The following RREB1 variants were observed in gnomAD, a reference collection of about 807,000 sequenced individuals.
RREB1 encodes ras responsive element binding protein 1.
Under a neutral mutation model 117.8 loss-of-function variants are expected in RREB1, and 27 were observed. That is an observed-to-expected ratio of 0.23 (90% CI 0.17 to 0.32). RREB1 has a LOEUF of 0.32. RREB1 is among the 10% of genes least tolerant of loss of function. RREB1 has a pLI of 1.00. For synonymous variants in RREB1, 1,298 were observed against 1,026.7 expected (o/e 1.26, Z -5.05); for missense variants, 2,577 against 2,378.2 (o/e 1.08, Z -1.74).
At chr6:7,151,279 A>T (rs1763111235) in intron 1 of RREB1, among the ~76,000 whole-genome samples, 3 of 152,196 alleles carry the variant, frequency 2.0e-5, no homozygotes, top group African/African-American at 7.2e-5. Flanking sequence ...AGGCCCAAAG[A>T]GAAGAATTTG....
In RREB1 at chr6:7,168,255, A is replaced by AG. The variant is rs1554120039; in HGVS notation, c.-284-8400_-284-8399insG. Reference sequence around the variant, plus strand: ...GGGTGACAGAGTGAGACTCCGTCTGAAAAAAAAAAAAAAAAAAAAAAGATT... The same window carrying AG: ...GGGTGACAGAGTGAGACTCCGTCTGAGAAAAAAAAAAAAAAAAAAAAAGATT... On this transcript the variant is annotated intron_variant, in intron 1 of 12. Coordinates refer to ENST00000379938, the MANE Select transcript of RREB1 (RefSeq NM_001003699.4). Among the ~76,000 whole-genome samples, 11 of 83,830 alleles carry AG rather than the reference A, an allele frequency of 1.3e-4. No homozygotes were observed. The South Asian group carries it at 2.7e-3, about 20-fold the overall frequency. The allele number at this position is 83,830 out of a possible 152,430, so 55.0% of individuals were successfully genotyped here.
At chr6:7,125,827 C>T (rs1352137309) in intron 1 of RREB1, among the ~76,000 whole-genome samples, 2 of 152,020 alleles carry the variant, frequency 1.3e-5, no homozygotes, top group African/African-American at 2.4e-5. Flanking sequence ...TGAGAGGAGG[C>T]TGTCCTGTCT....
At chr6:7,158,836 G>A (rs913224768) in intron 1 of RREB1, among the ~76,000 whole-genome samples, 3 of 151,834 alleles carry the variant, frequency 2.0e-5, no homozygotes, top group Non-Finnish European at 4.4e-5. Context: ...GGTAGATTGT[G>A]GGTCCCATTT....
At chr6:7,120,222 G>C (rs955290648) in intron 1 of RREB1, among the ~76,000 whole-genome samples, 1 of 152,072 alleles carries the variant, frequency 6.6e-6, no homozygotes, top group African/African-American at 2.4e-5. Context: ...AGGCCGAGCC[G>C]TGCAGATCCC....
intron 9 of RREB1, among the ~76,000 whole-genome samples, chr6:7,228,043 A>G (rs1767688258): frequency 6.6e-6 from 1 of 152,258 alleles, no homozygotes; most frequent in Non-Finnish European, 1.5e-5. Flanking sequence ...ACAGAGCGAG[A>G]CTCAGTCTCA....
intron 1 of RREB1, among the ~76,000 whole-genome samples, chr6:7,175,102 A>G (rs1764436219): frequency 6.6e-6 from 1 of 152,182 alleles, no homozygotes; most frequent in Non-Finnish European, 1.5e-5. Flanking sequence ...ATATGAAAAA[A>G]GAATAACTGC....
At chr6:7,200,930 A>T (rs1018132121) in intron 6 of RREB1, among the ~76,000 whole-genome samples, 1 of 152,258 alleles carries the variant, frequency 6.6e-6, no homozygotes, top group Non-Finnish European at 1.5e-5. Context: ...TAATGCAAGC[A>T]GTACAGTATT....
At chr6:7,175,880 TCTCTC>T (rs1218949818) in intron 1 of RREB1, among the ~76,000 whole-genome samples, 1 of 152,236 alleles carries the variant, frequency 6.6e-6, no homozygotes, top group Non-Finnish European at 1.5e-5. Context: ...GATGTAATCA[TCTCTC>T]CTCTACTTTA....
chr6:7,139,792 CTT>C (rs1391748302), intron 1 of RREB1, among the ~76,000 whole-genome samples: 1 of 152,170 alleles, frequency 6.6e-6, no homozygotes, highest in Non-Finnish European at 1.5e-5. Context: ...CTCCATTAGA[CTT>C]TGGAAATTTA....
rs948092511 is a variant in RREB1 at position 7,229,897 on chromosome 6, A to G, written c.1798A>G (p.Ser600Gly). The change falls in exon 10 of 13, where the codon AGC (serine) becomes GGC (glycine). Residue 600 changes from serine to glycine, a missense_variant. Coordinates refer to ENST00000379938, the MANE Select transcript of RREB1 (RefSeq NM_001003699.4). This position sits in a 1 kb window ranked among gnomAD's most constrained non-coding sequence, Gnocchi z 4.5. ...GATGAAGACGCAGCTGGAGCAGGAC[A>G]GCATCATCGAGGCCCTGCTGCCGCT... ...PEMKTQLEQD[S>G]IIEALLPLSM... The G allele has an allele frequency of 5.0e-6, 8 of 1,603,560 alleles. No homozygotes were observed. In the Admixed American group the frequency reaches 6.7e-5, roughly 13 times the overall value.
chr6:7,143,831 A>C (rs1197817642), intron 1 of RREB1, among the ~76,000 whole-genome samples: 2 of 146,958 alleles, frequency 1.4e-5, no homozygotes, highest in South Asian at 2.1e-4. Flanking sequence ...AGTGTGCATC[A>C]CTGCAGCCTT....
intron 10 of RREB1, among the ~76,000 whole-genome samples, chr6:7,234,322 G>A (rs1349306457): frequency 2.0e-5 from 3 of 152,156 alleles, no homozygotes; most frequent in Non-Finnish European, 4.4e-5. Context: ...AAAGCAGATG[G>A]TCTGGATCTG....
Position 7,151,417 on chromosome 6 carries a change from A to G in RREB1, c.-284-25238A>G, listed in dbSNP as rs138530580. Among the ~76,000 whole-genome samples, 19 of 152,314 alleles carry G rather than the reference A, an allele frequency of 1.2e-4. 1 individual carries two copies. The East Asian group carries it at 3.5e-3, about 28-fold the overall frequency. The stretch of plus-strand genomic sequence containing the variant: ...TCTAAGGGATTTCAGCAGTCATATG[A>G]TCTACAAACCAGCCCCCAGGAGCAG... On this transcript the variant is annotated intron_variant, in intron 1 of 12. Transcript: ENST00000379938.
chr6:7,225,031 ACTT>A (rs1767500983), intron 8 of RREB1, among the ~76,000 whole-genome samples: 1 of 152,096 alleles, frequency 6.6e-6, no homozygotes, highest in South Asian at 2.1e-4. Flanking sequence ...ACATACTGGC[ACTT>A]CTTCCTTTCA....
At chr6:7,136,272 C>T (rs141578436) in intron 1 of RREB1, among the ~76,000 whole-genome samples, 5 of 152,192 alleles carry the variant, frequency 3.3e-5, no homozygotes, top group African/African-American at 9.6e-5. Flanking sequence ...CAGTAATGCC[C>T]GTATTTTAAA....
chr6:7,152,816 T>A (rs1251081908), intron 1 of RREB1, among the ~76,000 whole-genome samples: 4 of 152,210 alleles, frequency 2.6e-5, no homozygotes, highest in African/African-American at 9.7e-5. Context: ...TCCAGTGCTC[T>A]CTGTAGAAAG....
chr6:7,229,110 C>T lies in RREB1; in HGVS notation c.1011C>T (p.Thr337=). The T allele has an allele frequency of 6.2e-7, 1 of 1,607,860 alleles. No individual in the cohort carries two copies. The highest frequency in any genetic ancestry group is 2.2e-5 in the East Asian group (1 of 44,674). ...MLCSLALHKQ[T]HVAADQGQEK... ...GCTCACTGGCTCTGCACAAGCAGACCCATGTGGCGGCAGACCAGGGTCAAG... is the reference window on the plus strand; with the variant it reads ...GCTCACTGGCTCTGCACAAGCAGACTCATGTGGCGGCAGACCAGGGTCAAG... The change falls in exon 10 of 13, where the codon ACC becomes ACT. Residue 337 remains threonine, a synonymous_variant. Coordinates refer to ENST00000379938, the MANE Select transcript of RREB1 (RefSeq NM_001003699.4). The surrounding 1 kb of genome is among the most constrained non-coding windows in gnomAD (Gnocchi z 4.5).
At chr6:7,132,062 T>G (rs115272638) in intron 1 of RREB1, among the ~76,000 whole-genome samples, 6,246 of 152,044 alleles carry the variant, frequency 0.041, 173 homozygotes, top group Middle Eastern at 0.068. Context: ...TTTTTTTGGT[T>G]TGTTTGTTTG....
rs1767189135 is a variant in RREB1 at position 7,220,536 on chromosome 6, C to T, written c.708-5931C>T. Among the ~76,000 whole-genome samples, 4 of 152,286 alleles carry T rather than the reference C, an allele frequency of 2.6e-5. No individual in the cohort carries two copies. In the South Asian group the frequency reaches 8.3e-4, roughly 32 times the overall value. On this transcript the variant is annotated intron_variant, in intron 8 of 12. Coordinates refer to ENST00000379938, the MANE Select transcript of RREB1 (RefSeq NM_001003699.4). Reference sequence around the variant, plus strand: ...TTTCTTTAAATTCTACAAAGAGATACACTTCCCCCAAATACATTTACTTTA... The same window carrying T: ...TTTCTTTAAATTCTACAAAGAGATATACTTCCCCCAAATACATTTACTTTA...
Sources: allele counts gnomAD v4.1 joint callset (sites outside exome capture counted in the v4.1 genomes callset), GRCh38; gene constraint gnomAD v4.1.1; non-coding constraint Gnocchi (gnomAD v3.1); transcripts MANE v1.5; gene names NCBI Gene and HGNC (gene_info 2026-07-23, HGNC 2026-07-21).